PTPRD: variants seen among roughly 807,000 people sequenced by gnomAD.
PTPRD encodes protein tyrosine phosphatase receptor type D.
PTPRD carries 34 observed loss-of-function variants against 214.5 expected under a neutral mutation model. That is an observed-to-expected ratio of 0.16 (90% confidence interval 0.12 to 0.21). The LOEUF (loss-of-function observed/expected upper bound fraction) is 0.21, where lower values mean the gene tolerates loss of function less well. Among genes scored for constraint, PTPRD ranks in the 10% least tolerant of loss-of-function variants. The probability of loss-of-function intolerance (pLI) is 1.00; values close to 1 mark genes in which losing one functional copy is unlikely to be tolerated. For synonymous variants in PTPRD, 1,128 were observed against 845.7 expected, an observed-to-expected ratio of 1.33 and a Z score of -5.79; for missense variants, 2,545 against 2,398.7, an observed-to-expected ratio of 1.06 and a Z score of -1.27.
At chr9:9,129,042 C>T (rs1481010814) in intron 10 of PTPRD, among the ~76,000 whole-genome samples, 3 of 152,176 alleles carry the variant, frequency 2.0e-5, no homozygotes, top group African/African-American at 7.2e-5. Context: ...CCACATCAAC[C>T]ACATTTAGTG....
chr9:10,007,429 A>T (rs1363234685), intron 4 of PTPRD, among the ~76,000 whole-genome samples: 2 of 152,094 alleles, frequency 1.3e-5, no homozygotes, highest in Non-Finnish European at 2.9e-5. Context: ...TTTTCTTATT[A>T]TAACAGTGAG....
rs1360737545 is a variant in PTPRD, at chr9:8,829,614, C to T, written c.-103-95668G>A. 5.3e-5 allele frequency among the ~76,000 whole-genome samples: 8 copies of T among 152,154 alleles called. No homozygotes were observed. The South Asian group carries it at 1.7e-3, about 31-fold the overall frequency. ...ACTGGACTTTTCCCCCTGACTTGCA[C>T]ACAGGTTGTTGTCCAGCACTTGACA... is the stretch of plus-strand genomic sequence containing the variant. On this transcript the variant is annotated intron_variant, in intron 11 of 45. Transcript: ENST00000381196.
At chr9:10,198,827 T>C (rs1007455144) in intron 3 of PTPRD, among the ~76,000 whole-genome samples, 2 of 152,098 alleles carry the variant, frequency 1.3e-5, no homozygotes, top group Non-Finnish European at 2.9e-5. Context: ...ATATTACCGT[T>C]GTAAATGTAT....
At chr9:8,939,407 C>T (rs1162348465) in intron 11 of PTPRD, among the ~76,000 whole-genome samples, 2 of 152,082 alleles carry the variant, frequency 1.3e-5, no homozygotes, top group Non-Finnish European at 2.9e-5. Context: ...ATACTCTTAA[C>T]TTCATTTTGA....
chr9:9,464,293 C>G (rs1465598563), intron 8 of PTPRD, among the ~76,000 whole-genome samples: 1 of 152,062 alleles, frequency 6.6e-6, no homozygotes, highest in Non-Finnish European at 1.5e-5. Flanking sequence ...TCCCTCTCAC[C>G]CTCCCTGCTT....
At chr9:10,491,904 C>T (rs1488026240) in intron 2 of PTPRD, among the ~76,000 whole-genome samples, 2 of 152,100 alleles carry the variant, frequency 1.3e-5, no homozygotes, top group Non-Finnish European at 2.9e-5. Context: ...TGATGTTCCC[C>T]TCCCTGTGTC....
intron 35 of PTPRD, 85 bp downstream of exon 35, chr9:8,436,507 G>T: frequency 9.8e-7 from 1 of 1,018,538 alleles, no homozygotes; most frequent in Non-Finnish European, 1.5e-6. Flanking sequence ...GAAAAGCACT[G>T]ATGAAGTTAA....
intron 2 of PTPRD, among the ~76,000 whole-genome samples, chr9:10,437,787 C>G (rs868262291): frequency 3.7e-4 from 56 of 151,024 alleles, no homozygotes; most frequent in African/African-American, 1.2e-3. Context: ...ATATATATAT[C>G]TGATAAAATG....
chr9:9,849,057 A>G (rs2060065330), intron 5 of PTPRD, among the ~76,000 whole-genome samples: 1 of 151,788 alleles, frequency 6.6e-6, no homozygotes. Context: ...ACTTAAATAC[A>G]TAGACACACC....
At chr9:9,924,189 C>T (rs889030773) in intron 5 of PTPRD, among the ~76,000 whole-genome samples, 2 of 152,002 alleles carry the variant, frequency 1.3e-5, no homozygotes. Flanking sequence ...AATTGGTGCA[C>T]CTGTCCTAAT....
intron 2 of PTPRD, among the ~76,000 whole-genome samples, chr9:10,368,677 G>A (rs2097557846): frequency 6.6e-6 from 1 of 151,930 alleles, no homozygotes; most frequent in African/African-American, 2.4e-5. Flanking sequence ...TCACTTATGG[G>A]AAGGAACTAA....
intron 11 of PTPRD, among the ~76,000 whole-genome samples, chr9:8,784,850 A>G (rs1040207469): frequency 1.3e-5 from 2 of 152,206 alleles, no homozygotes; most frequent in East Asian, 3.8e-4. Flanking sequence ...CATATCTTAC[A>G]GTTATCATTT....
At chr9:8,429,216 A>G (rs372254057) in intron 35 of PTPRD, among the ~76,000 whole-genome samples, 3 of 152,114 alleles carry the variant, frequency 2.0e-5, no homozygotes, top group Non-Finnish European at 4.4e-5. Context: ...ATAAAGTGTG[A>G]AACATTTAAG....
intron 5 of PTPRD, among the ~76,000 whole-genome samples, chr9:9,852,632 A>G (rs1309522447): frequency 2.6e-5 from 4 of 152,136 alleles, no homozygotes; most frequent in African/African-American, 9.7e-5. Flanking sequence ...AATCCTTTAT[A>G]TTGTCTTTAT....
intron 11 of PTPRD, among the ~76,000 whole-genome samples, chr9:8,789,405 T>C (rs934062248): frequency 1.3e-5 from 2 of 152,328 alleles, no homozygotes; most frequent in Non-Finnish European, 1.5e-5. Context: ...GAACTGTTAG[T>C]AGCCGTAATT....
intron 14 of PTPRD, among the ~76,000 whole-genome samples, chr9:8,562,124 G>A (rs1838308259): frequency 6.6e-6 from 1 of 152,110 alleles, no homozygotes. Flanking sequence ...ATCCAAAATG[G>A]TGACAGTGAC....
intron 2 of PTPRD, among the ~76,000 whole-genome samples, chr9:10,451,069 A>G (rs1288711852): frequency 1.3e-5 from 2 of 151,976 alleles, no homozygotes; most frequent in Non-Finnish European, 2.9e-5. Context: ...CTGCATTTTT[A>G]TGTTTTTAGT....
At chr9:8,925,493 C>T (rs193167666) in intron 11 of PTPRD, among the ~76,000 whole-genome samples, 278 of 150,826 alleles carry the variant, frequency 1.8e-3, no homozygotes, top group African/African-American at 5.9e-3. Flanking sequence ...TTCAATTCCC[C>T]GAAACAGAAA....
intron 2 of PTPRD, among the ~76,000 whole-genome samples, chr9:10,509,556 A>ATT (rs1175967547): frequency 4.8e-3 from 22 of 4,602 alleles, no homozygotes; most frequent in South Asian, 0.023. Context: ...TTTAATAAAT[A>ATT]TTATATATAT....
Sources: allele counts gnomAD v4.1 joint callset (sites outside exome capture counted in the v4.1 genomes callset), GRCh38; gene constraint gnomAD v4.1.1; transcripts MANE v1.5; gene names NCBI Gene and HGNC (gene_info 2026-07-23, HGNC 2026-07-21).